SNX29: variants seen among roughly 807,000 people sequenced by gnomAD.
The protein encoded by SNX29 is sorting nexin-29.
Under a neutral mutation model 102.1 loss-of-function variants are expected in SNX29, and 78 were observed. That is an observed-to-expected ratio of 0.76 (90% CI 0.64 to 0.92). SNX29 has a LOEUF of 0.92. Ranked by LOEUF, SNX29 falls within the 40% of genes least tolerant of loss-of-function variation. SNX29 has a pLI of 0.00. For missense variants in SNX29, 1,280 were observed against 1,061.7 expected, an observed-to-expected ratio of 1.21 and a Z score of -2.86; for synonymous variants, 580 against 414.5, an observed-to-expected ratio of 1.40 and a Z score of -4.85.
At chr16:12,566,402 T>C (rs529250709) in intron 20 of SNX29, among the ~76,000 whole-genome samples, 1 of 128,666 alleles carries the variant, frequency 7.8e-6, no homozygotes, top group African/African-American at 3.1e-5. Flanking sequence ...CCAGGCACTC[T>C]CAGAGCCTGT....
chr16:12,342,700 G>T (rs906003525), intron 15 of SNX29, among the ~76,000 whole-genome samples: 1 of 152,182 alleles, frequency 6.6e-6, no homozygotes, highest in Non-Finnish European at 1.5e-5. Context: ...TTCAGATGCA[G>T]AAACTGAGGT....
intron 18 of SNX29, among the ~76,000 whole-genome samples, chr16:12,410,143 C>A (rs2084337729): frequency 6.6e-6 from 1 of 151,674 alleles, no homozygotes; most frequent in South Asian, 2.1e-4. Flanking sequence ...TACAGGCACC[C>A]ATCACCACGC....
intron 14 of SNX29, among the ~76,000 whole-genome samples, chr16:12,256,389 C>G (rs2078574042): frequency 6.6e-6 from 1 of 152,100 alleles, no homozygotes; most frequent in South Asian, 2.1e-4. Context: ...TTCTGTCATG[C>G]AGATCTTGGC....
chr16:12,384,537 A>T (rs1402272305), intron 16 of SNX29, among the ~76,000 whole-genome samples: 3 of 152,236 alleles, frequency 2.0e-5, no homozygotes, highest in East Asian at 3.9e-4. Flanking sequence ...GTCGTTTCAG[A>T]TCTTTTGCCT....
intron 18 of SNX29, among the ~76,000 whole-genome samples, chr16:12,475,496 A>G (rs1461014001): frequency 6.6e-6 from 1 of 152,196 alleles, no homozygotes; most frequent in African/African-American, 2.4e-5. Context: ...TCCTTGACTT[A>G]TGATGGGGTT....
At chr16:12,370,229 A>C (rs2082633631) in intron 16 of SNX29, among the ~76,000 whole-genome samples, 1 of 152,016 alleles carries the variant, frequency 6.6e-6, no homozygotes, top group Non-Finnish European at 1.5e-5. Flanking sequence ...CTCAGAAACA[A>C]AACAAAACAA....
chr16:12,219,147 G>A (rs1379467584), intron 14 of SNX29, among the ~76,000 whole-genome samples: 1 of 152,204 alleles, frequency 6.6e-6, no homozygotes, highest in African/African-American at 2.4e-5. Flanking sequence ...CCTTTTGGCA[G>A]GAAGGAGGTT....
chr16:12,125,145 G>C (rs1567228906), intron 11 of SNX29, among the ~76,000 whole-genome samples: 1 of 152,138 alleles, frequency 6.6e-6, no homozygotes, highest in Non-Finnish European at 1.5e-5. Flanking sequence ...TTACCTACCA[G>C]CTTTACTGCC....
At chr16:12,105,501 C>T (rs555059087) in intron 11 of SNX29, among the ~76,000 whole-genome samples, 4 of 152,060 alleles carry the variant, frequency 2.6e-5, no homozygotes, top group Admixed American at 1.3e-4. Flanking sequence ...GGATTACAGG[C>T]GTGAGCCACC....
At chr16:12,419,707 T>A (rs2084796482) in intron 18 of SNX29, among the ~76,000 whole-genome samples, 1 of 152,176 alleles carries the variant, frequency 6.6e-6, no homozygotes, top group African/African-American at 2.4e-5. Context: ...GAAAGGCCCC[T>A]GTTTCTTCTG....
intron 20 of SNX29, among the ~76,000 whole-genome samples, chr16:12,538,000 AAAAT>A (rs1371439898): frequency 6.7e-6 from 1 of 149,774 alleles, no homozygotes; most frequent in Non-Finnish European, 1.5e-5. Context: ...AAAAAAAAAA[AAAAT>A]TGTCTGCCAT....
At chr16:12,290,248 C>CTGAGCA (rs2079748747) in intron 15 of SNX29, among the ~76,000 whole-genome samples, 1 of 152,238 alleles carries the variant, frequency 6.6e-6, no homozygotes, top group Admixed American at 6.5e-5. Flanking sequence ...TTACCTTGCT[C>CTGAGCA]TGAGCATGTT....
At chr16:12,314,460 G>A (rs1476699409) in intron 15 of SNX29, among the ~76,000 whole-genome samples, 1 of 152,232 alleles carries the variant, frequency 6.6e-6, no homozygotes, top group Admixed American at 6.5e-5. Flanking sequence ...CTAGCCGTGT[G>A]GCCTCAGCCG....
intron 20 of SNX29, among the ~76,000 whole-genome samples, chr16:12,564,023 T>G (rs997895970): frequency 6.6e-6 from 1 of 151,884 alleles, no homozygotes; most frequent in Non-Finnish European, 1.5e-5. Context: ...GGTAGGGAGT[T>G]GAGGAGTTGC....
At chr16:12,428,986 T>G (rs954051246) in intron 18 of SNX29, among the ~76,000 whole-genome samples, 2 of 150,730 alleles carry the variant, frequency 1.3e-5, no homozygotes, top group Non-Finnish European at 1.5e-5. Context: ...CGATTAATAG[T>G]TCTTTCTAGT....
intron 14 of SNX29, among the ~76,000 whole-genome samples, chr16:12,214,188 C>T (rs144407756): frequency 1.4e-4 from 22 of 152,304 alleles, no homozygotes; most frequent in Non-Finnish European, 8.8e-5. Flanking sequence ...CTGGAAATAT[C>T]AAGTATCGAT....
intron 18 of SNX29, among the ~76,000 whole-genome samples, chr16:12,435,803 T>C (rs1381247254): frequency 6.6e-6 from 1 of 152,192 alleles, no homozygotes; most frequent in Non-Finnish European, 1.5e-5. Context: ...GGATGCACTT[T>C]GTTGGTTCCC....
intron 13 of SNX29, among the ~76,000 whole-genome samples, chr16:12,169,250 G>A (rs73521809): frequency 0.04 from 6,048 of 152,236 alleles, 405 homozygotes; most frequent in African/African-American, 0.14. Context: ...GAGGCTGTCC[G>A]GGAGCCCCAG....
chr16:12,003,662 A>G (rs2056365340), intron 3 of SNX29, among the ~76,000 whole-genome samples: 1 of 152,152 alleles, frequency 6.6e-6, no homozygotes, highest in Admixed American at 6.6e-5. Flanking sequence ...GCTTTCTAGT[A>G]TTTTTCACAT....
Sources: gnomAD v4.1 joint callset for allele counts (sites outside exome capture counted in the v4.1 genomes callset) on GRCh38, gnomAD v4.1.1 for gene constraint, MANE v1.5 for transcripts, NCBI Gene and HGNC (gene_info 2026-07-23, HGNC 2026-07-21) for gene names.